FRMD6: variants seen among roughly 807,000 people sequenced by gnomAD.
The protein encoded by FRMD6 is FERM domain containing 6, also known as FERM domain-containing protein 6.
In FRMD6, 37 loss-of-function variants were observed where a neutral mutation model predicts 73.2. The observed-to-expected ratio is 0.51, with a 90% confidence interval of 0.39 to 0.66. FRMD6 has a LOEUF of 0.66. Among genes scored for constraint, FRMD6 ranks in the 30% least tolerant of loss-of-function variants. The pLI, the probability that FRMD6 is intolerant of heterozygous loss-of-function variation, is 0.00. For missense variants in FRMD6, 714 were observed against 780.5 expected, an observed-to-expected ratio of 0.91 and a Z score of 1.02; for synonymous variants, 273 against 282.2, an observed-to-expected ratio of 0.97 and a Z score of 0.33.
intron 1 of FRMD6, chr14:51,565,094 T>C (rs993165410): frequency 6.6e-6 from 1 of 152,230 alleles, no homozygotes; most frequent in Non-Finnish European, 1.5e-5. Context: ...CCAGACCGGG[T>C]TTGGCTCCTT....
chr14:51,599,730 C>T (rs1250353952), intron 2 of FRMD6: 1 of 151,982 alleles, frequency 6.6e-6, no homozygotes, highest in African/African-American at 2.4e-5. Flanking sequence ...CACAGGTTTC[C>T]TTAGTTCTGG....
At chr14:51,510,294 G>A (rs2140251416) in intron 1 of FRMD6, among the ~76,000 whole-genome samples, 1 of 152,298 alleles carries the variant, frequency 6.6e-6, no homozygotes, top group East Asian at 1.9e-4. Flanking sequence ...TACACAAGGA[G>A]GGAGTAGCAG....
chr14:51,503,294 T>G (rs750381017), intron 1 of FRMD6, among the ~76,000 whole-genome samples: 4 of 152,190 alleles, frequency 2.6e-5, no homozygotes, highest in Admixed American at 6.5e-5. Context: ...GGGGAGTGCT[T>G]CTAGCTTTTG....
intron 1 of FRMD6, among the ~76,000 whole-genome samples, chr14:51,568,441 G>T (rs1887902124): frequency 6.6e-6 from 1 of 152,222 alleles, no homozygotes; most frequent in Non-Finnish European, 1.5e-5. Flanking sequence ...TGAAGTTCAA[G>T]AAATGAGTGA....
At chr14:51,660,499 C>G (rs1893141235) in intron 1 of FRMD6, among the ~76,000 whole-genome samples, 1 of 150,254 alleles carries the variant, frequency 6.7e-6, no homozygotes, top group African/African-American at 2.5e-5. Context: ...TATTAAAAGA[C>G]AACTATGAAA....
intron 1 of FRMD6, among the ~76,000 whole-genome samples, chr14:51,665,090 T>C (rs1295855848): frequency 6.6e-6 from 1 of 152,224 alleles, no homozygotes; most frequent in African/African-American, 2.4e-5. Context: ...CCAACAAGTT[T>C]GGCTGCAGAC....
chr14:51,576,969 G>C (rs1477615363), intron 2 of FRMD6, among the ~76,000 whole-genome samples: 3 of 152,196 alleles, frequency 2.0e-5, no homozygotes. Flanking sequence ...ACATTTTAAA[G>C]CACTATGCAA....
the FRMD6 span, among the ~76,000 whole-genome samples, chr14:51,479,353 A>G: frequency 1.3e-5 from 2 of 152,194 alleles, no homozygotes; most frequent in Non-Finnish European, 2.9e-5. Context: ...AGAGATGCAT[A>G]ACATCGACAT....
chr14:51,715,185 A>G (rs941508725), intron 9 of FRMD6, 140 bp from the exon 10 acceptor site: 11 of 652,878 alleles, frequency 1.7e-5, no homozygotes, highest in Non-Finnish European at 2.6e-5. Flanking sequence ...GAAAAACAAT[A>G]ATTTATCCCA....
At chr14:51,684,430 C>T (rs1322041983) in intron 1 of FRMD6, among the ~76,000 whole-genome samples, 1 of 152,088 alleles carries the variant, frequency 6.6e-6, no homozygotes, top group East Asian at 1.9e-4. Flanking sequence ...AAGTTCAAGC[C>T]AGATTTCTGA....
intron 1 of FRMD6, among the ~76,000 whole-genome samples, chr14:51,554,453 G>T (rs1421422762): frequency 6.6e-6 from 1 of 152,160 alleles, no homozygotes; most frequent in African/African-American, 2.4e-5. Flanking sequence ...TAACTTTACA[G>T]TGGGGAAACC....
chr14:51,510,049 A>AAAC (rs1884208112), intron 1 of FRMD6, among the ~76,000 whole-genome samples: 1 of 152,372 alleles, frequency 6.6e-6, no homozygotes, highest in East Asian at 1.9e-4. Context: ...TTTTGGAGGA[A>AAAC]AACATTTCAG....
At chr14:51,535,276 G>A (rs138692796) in intron 1 of FRMD6, among the ~76,000 whole-genome samples, 214 of 152,158 alleles carry the variant, frequency 1.4e-3, no homozygotes, top group African/African-American at 4.5e-3. Flanking sequence ...TTCACAGTAC[G>A]TACAACCATC....
intron 2 of FRMD6, among the ~76,000 whole-genome samples, chr14:51,634,169 A>C (rs1891454535): frequency 6.6e-6 from 1 of 152,212 alleles, no homozygotes; most frequent in Admixed American, 6.5e-5. Context: ...TTGTTTTTTT[A>C]AGTGCTTGTC....
chr14:51,590,959 G>T (rs1210538190), intron 2 of FRMD6, among the ~76,000 whole-genome samples: 1 of 152,180 alleles, frequency 6.6e-6, no homozygotes, highest in Non-Finnish European at 1.5e-5. Context: ...AATGAAACCT[G>T]CTCAGCCTGG....
At chr14:51,680,120 C>T (rs1282230969) in intron 1 of FRMD6, among the ~76,000 whole-genome samples, 2 of 152,184 alleles carry the variant, frequency 1.3e-5, no homozygotes, top group East Asian at 3.9e-4. Context: ...TTGTTGGAAG[C>T]CTCTCAGGCT....
the FRMD6 span, among the ~76,000 whole-genome samples, chr14:51,414,289 C>A: frequency 2.0e-5 from 3 of 152,172 alleles, no homozygotes; most frequent in African/African-American, 7.2e-5. Flanking sequence ...GATTTTAGGT[C>A]TAACATTTAA....
chr14:51,565,992 G>GT (rs1887750802), intron 1 of FRMD6, among the ~76,000 whole-genome samples: 1 of 152,126 alleles, frequency 6.6e-6, no homozygotes, highest in Non-Finnish European at 1.5e-5. Flanking sequence ...GTGAAACCCC[G>GT]TCTCTACTAA....
the FRMD6 span, among the ~76,000 whole-genome samples, chr14:51,468,733 T>C: frequency 6.6e-5 from 10 of 152,226 alleles, no homozygotes; most frequent in African/African-American, 7.2e-5. Context: ...TTGTCAATGA[T>C]CTTTATCAGT....
Sources: gnomAD v4.1 joint callset for allele counts (sites outside exome capture counted in the v4.1 genomes callset) on GRCh38, gnomAD v4.1.1 for gene constraint, MANE v1.5 for transcripts, NCBI Gene and HGNC (gene_info 2026-07-23, HGNC 2026-07-21) for gene names.